ITSN1: variants seen among roughly 807,000 people sequenced by gnomAD.
ITSN1 encodes intersectin 1.
In ITSN1, 58 loss-of-function variants were observed where a neutral mutation model predicts 239.8. That is an observed-to-expected ratio of 0.24 (90% CI 0.20 to 0.30). The LOEUF (loss-of-function observed/expected upper bound fraction) is 0.30, where lower values mean the gene tolerates loss of function less well. ITSN1 is among the 10% of genes least tolerant of loss of function. The pLI is 1.00. For missense variants in ITSN1, 1,558 were observed against 2,103.3 expected (o/e 0.74, Z 5.07); for synonymous variants, 780 against 770.8 (o/e 1.01, Z -0.20).
chr21:33,761,601 G>A (rs559189872), intron 8 of ITSN1, among the ~76,000 whole-genome samples: 4 of 152,168 alleles, frequency 2.6e-5, no homozygotes, highest in Admixed American at 2.0e-4. Flanking sequence ...TGTAAATAAA[G>A]CCCAATACAA....
intron 1 of ITSN1, chr21:33,643,824 A>C (rs1468501848): frequency 6.6e-6 from 1 of 152,250 alleles, no homozygotes; most frequent in Non-Finnish European, 1.5e-5. Context: ...GGCAAGGCCA[A>C]TGAAGAGGGT....
At chr21:33,744,400 T>A (rs1030070581) in intron 5 of ITSN1, among the ~76,000 whole-genome samples, 1 of 152,116 alleles carries the variant, frequency 6.6e-6, no homozygotes, top group African/African-American at 2.4e-5. Flanking sequence ...ATTTTCAAAT[T>A]GAAAGTATTA....
Position 33,717,260 on chromosome 21 carries a change from C to T in ITSN1, c.-32-1537C>T, listed in dbSNP as rs377659389. Among the ~76,000 whole-genome samples, 29 of 151,408 alleles carry T rather than the reference C, an allele frequency of 1.9e-4. 1 individual carries two copies. Among genetic ancestry groups the T allele is most frequent in the Admixed American group, 1.1e-3 (17 of 15,188 alleles). On this transcript the variant is annotated intron_variant, in intron 1 of 39. Transcript: ENST00000381318. ...TGCTCAGGCTGGAGTACAGTGACAC[C>T]GTCTTAGCTCACTGTAGCCTTGACC...
chr21:33,757,624 T>G (rs983203430), intron 8 of ITSN1, among the ~76,000 whole-genome samples: 2 of 152,172 alleles, frequency 1.3e-5, no homozygotes, highest in African/African-American at 2.4e-5. Flanking sequence ...TGGAAACAGC[T>G]GATTTGTTGA....
At chr21:33,832,417 C>T (rs544682982) in intron 27 of ITSN1, among the ~76,000 whole-genome samples, 16 of 152,184 alleles carry the variant, frequency 1.1e-4, no homozygotes, top group Non-Finnish European at 2.1e-4. Flanking sequence ...AGGCAGCAGC[C>T]GTATTTTTCA....
chr21:33,709,266 A>G (rs573782605), intron 1 of ITSN1, among the ~76,000 whole-genome samples: 40 of 152,262 alleles, frequency 2.6e-4, no homozygotes, highest in African/African-American at 8.7e-4. Context: ...GTATCTTAGT[A>G]CCATTTATTT....
intron 29 of ITSN1, among the ~76,000 whole-genome samples, chr21:33,845,253 C>T (rs1043663076): frequency 6.6e-6 from 1 of 151,812 alleles, no homozygotes; most frequent in Non-Finnish European, 1.5e-5. Context: ...GGGATGGAGA[C>T]CTGGCTGCGG....
chr21:33,717,237 C>T (rs1453517788), intron 1 of ITSN1, among the ~76,000 whole-genome samples: 2 of 150,920 alleles, frequency 1.3e-5, no homozygotes, highest in East Asian at 3.9e-4. Flanking sequence ...TCTCCAGTTG[C>T]TCAGGCTGGA....
intron 20 of ITSN1, among the ~76,000 whole-genome samples, chr21:33,805,297 C>T (rs917390779): frequency 6.6e-6 from 1 of 152,200 alleles, no homozygotes; most frequent in Non-Finnish European, 1.5e-5. Context: ...AATTGTTTGT[C>T]TTAGTGTTAC....
intron 36 of ITSN1, among the ~76,000 whole-genome samples, chr21:33,884,255 C>A (rs897160000): frequency 1.3e-5 from 2 of 152,034 alleles, no homozygotes; most frequent in African/African-American, 4.8e-5. Flanking sequence ...GTTTCGCATT[C>A]TTTGAGGTAA....
In ITSN1 at chr21:33,891,453, G is replaced by A. The variant is rs1986359609; in HGVS notation, c.*3153G>A. Reference sequence around the variant, plus strand: ...GGGTAGAGTAGCCCTGAATTTAACTGGGGAAAAAATCCCATCAGACTATGA... The same window carrying A: ...GGGTAGAGTAGCCCTGAATTTAACTAGGGAAAAAATCCCATCAGACTATGA... On this transcript the variant is annotated 3_prime_UTR_variant, in exon 40 of 40. Coordinates refer to ENST00000381318, the MANE Select transcript of ITSN1 (RefSeq NM_003024.3). 2 of 151,614 alleles carry A rather than the reference G, an allele frequency of 1.3e-5. No homozygotes were observed. The highest frequency in any genetic ancestry group is 4.8e-5 in the African/African-American group (2 of 41,240). 9.4% of individuals were successfully genotyped at this position (151,614 alleles called of 1,614,324 possible).
intron 29 of ITSN1, chr21:33,837,031 A>G: frequency 1.2e-6 from 2 of 1,612,936 alleles, no homozygotes; most frequent in Non-Finnish European, 1.7e-6. Context: ...AAAGTCCTCA[A>G]AGAGACCCAC....
chr21:33,840,494 G>A (rs911815707), intron 29 of ITSN1, among the ~76,000 whole-genome samples: 1 of 152,090 alleles, frequency 6.6e-6, no homozygotes, highest in African/African-American at 2.4e-5. Flanking sequence ...CTCCTGAGTA[G>A]CTGGGATTAC....
intron 1 of ITSN1, among the ~76,000 whole-genome samples, chr21:33,663,139 T>C (rs2146284864): frequency 6.6e-6 from 1 of 152,340 alleles, no homozygotes; most frequent in South Asian, 2.1e-4. Flanking sequence ...TATACTGAAG[T>C]TCCCTCAAAT....
intron 29 of ITSN1, among the ~76,000 whole-genome samples, chr21:33,840,353 A>ATTTGTTT (rs1186312973): frequency 6.6e-6 from 1 of 150,742 alleles, no homozygotes; most frequent in Admixed American, 6.6e-5. Context: ...TTCTTTAGCT[A>ATTTGTTT]TTTGTTTTTT....
chr21:33,759,175 A>G (rs1217589061), intron 8 of ITSN1, among the ~76,000 whole-genome samples: 1 of 152,188 alleles, frequency 6.6e-6, no homozygotes, highest in East Asian at 1.9e-4. Flanking sequence ...CAACAACCAT[A>G]TATCATGCTT....
At chr21:33,735,848 T>C (rs1175396028) in intron 5 of ITSN1, among the ~76,000 whole-genome samples, 2 of 151,752 alleles carry the variant, frequency 1.3e-5, no homozygotes, top group Non-Finnish European at 2.9e-5. Context: ...ACTGAAAATA[T>C]AAAAAATTAG....
intron 31 of ITSN1, among the ~76,000 whole-genome samples, chr21:33,861,990 C>A (rs1328696966): frequency 2.6e-5 from 1 of 37,794 alleles, no homozygotes; most frequent in Non-Finnish European, 4.9e-5. Flanking sequence ...GTCATCTCTA[C>A]TAAAAAAAAA....
intron 22 of ITSN1, among the ~76,000 whole-genome samples, chr21:33,816,058 C>T (rs968039519): frequency 6.6e-6 from 1 of 151,856 alleles, no homozygotes; most frequent in Non-Finnish European, 1.5e-5. Flanking sequence ...CCAGGCATGA[C>T]GGTGGGCGCC....
Sources: gnomAD v4.1 joint callset for allele counts (sites outside exome capture counted in the v4.1 genomes callset) on GRCh38, gnomAD v4.1.1 for gene constraint, MANE v1.5 for transcripts, NCBI Gene and HGNC (gene_info 2026-07-23, HGNC 2026-07-21) for gene names.